The following PLCXD1 variants were observed in gnomAD, a reference collection of about 807,000 sequenced individuals.
PLCXD1 encodes PI-PLC X domain-containing protein 1.
In PLCXD1, 45 loss-of-function variants were observed where a neutral mutation model predicts 37.8. The ratio of observed to expected loss-of-function variants is 1.19; its 90% CI spans 0.94 to 1.53. The LOEUF (loss-of-function observed/expected upper bound fraction) is 1.53, where lower values mean the gene tolerates loss of function less well. PLCXD1 is among the 40% of genes most tolerant of loss of function. The probability of loss-of-function intolerance (pLI) is 0.00; values close to 1 mark genes in which losing one functional copy is unlikely to be tolerated. For missense variants in PLCXD1, 539 were observed against 454.7 expected, an observed-to-expected ratio of 1.19 and a Z score of -1.69; for synonymous variants, 246 against 206.9, an observed-to-expected ratio of 1.19 and a Z score of -1.62.
chrX:294,419 T>C (rs1478154649), intron 6 of PLCXD1, among the ~76,000 whole-genome samples: 1 of 151,150 alleles, frequency 6.6e-6, no homozygotes, highest in African/African-American at 2.4e-5. Context: ...GAGGCGGAGC[T>C]TGCAGTGAGC....
intron 2 of PLCXD1, among the ~76,000 whole-genome samples, chrX:285,257 CAT>C (rs2069411037): frequency 6.6e-6 from 1 of 152,148 alleles, no homozygotes; most frequent in Admixed American, 6.5e-5. Context: ...CTAATGCACA[CAT>C]GTATACATGC....
At chrX:285,373 T>A (rs1335499088) in intron 2 of PLCXD1, among the ~76,000 whole-genome samples, 1 of 117,530 alleles carries the variant, frequency 8.5e-6, no homozygotes, top group Non-Finnish European at 1.7e-5. Context: ...CATGCACACA[T>A]GTATATATAT....
At chrX:292,554 C>T (rs1159103549) in intron 5 of PLCXD1, among the ~76,000 whole-genome samples, 4 of 152,134 alleles carry the variant, frequency 2.6e-5, no homozygotes, top group East Asian at 1.9e-4. Context: ...GTGATCCTCC[C>T]GCCGTGTCCT....
intron 6 of PLCXD1, among the ~76,000 whole-genome samples, chrX:297,805 T>C (rs1420171378): frequency 4.8e-5 from 2 of 41,664 alleles, no homozygotes; most frequent in African/African-American, 3.5e-4. Context: ...GGGCCATTAT[T>C]CTGTCTATCA....
At chrX:295,691 ATTTT>A (rs1212485875) in intron 6 of PLCXD1, among the ~76,000 whole-genome samples, 1 of 149,758 alleles carries the variant, frequency 6.7e-6, no homozygotes, top group Non-Finnish European at 1.5e-5. Flanking sequence ...CACCCGGCTA[ATTTT>A]TTTTTGTATT....
chrX:298,736 C>T (rs868379044), intron 6 of PLCXD1, among the ~76,000 whole-genome samples: 284 of 20,370 alleles, frequency 0.014, 1 homozygote, highest in Middle Eastern at 0.042. Flanking sequence ...GGGCCATTAT[C>T]CTGTCTATCA....
chrX:293,337 A>G (rs1413478663), intron 6 of PLCXD1, 119 bp downstream of exon 6: 16 of 773,640 alleles, frequency 2.1e-5, no homozygotes, highest in Non-Finnish European at 2.5e-5. Flanking sequence ...AAAGGAATCC[A>G]TGAGCTGGGC....
chrX:279,589 T>C (rs1319486015), upstream of PLCXD1, among the ~76,000 whole-genome samples: 1 of 152,040 alleles, frequency 6.6e-6, no homozygotes, highest in Non-Finnish European at 1.5e-5. Context: ...CTGGCCAACA[T>C]GGTGAGACCC....
At chrX:290,056 C>G (rs1364095053) in intron 3 of PLCXD1, among the ~76,000 whole-genome samples, 6 of 151,982 alleles carry the variant, frequency 3.9e-5, no homozygotes, top group African/African-American at 1.4e-4. Flanking sequence ...CTCCCAGGAT[C>G]AAAGGATCCT....
intron 3 of PLCXD1, 96 bp from the exon 4 acceptor site, chrX:290,542 CCAGTGGGCAG>C: frequency 8.2e-7 from 1 of 1,218,570 alleles, no homozygotes. Flanking sequence ...CATCCACGTC[CCAGTGGGCAG>C]CAGGACATGC....
At chrX:282,786 C>G (rs1343750915) in intron 1 of PLCXD1, among the ~76,000 whole-genome samples, 1 of 148,536 alleles carries the variant, frequency 6.7e-6, no homozygotes, top group Non-Finnish European at 1.5e-5. Flanking sequence ...CTAAAATGTC[C>G]TTATGGAAAG....
At chrX:296,680 CATAAG>C (rs2069818950) in intron 6 of PLCXD1, among the ~76,000 whole-genome samples, 1 of 152,234 alleles carries the variant, frequency 6.6e-6, no homozygotes, top group African/African-American at 2.4e-5. Flanking sequence ...CTATAAGCCT[CATAAG>C]AGATGGCACA....
intron 6 of PLCXD1, among the ~76,000 whole-genome samples, chrX:296,189 C>T (rs369955603): frequency 4.6e-5 from 7 of 151,632 alleles, no homozygotes; most frequent in East Asian, 3.9e-4. Context: ...GGCGTGATCT[C>T]GGCTCACTGC....
chrX:286,981 G>T (rs957967578), intron 2 of PLCXD1, among the ~76,000 whole-genome samples: 2 of 151,812 alleles, frequency 1.3e-5, no homozygotes, highest in African/African-American at 4.8e-5. Context: ...TTTAAAGGGG[G>T]TCCACGTTCC....
intron 6 of PLCXD1, among the ~76,000 whole-genome samples, chrX:295,734 G>A (rs1251787423): frequency 2.6e-4 from 39 of 151,862 alleles, no homozygotes; most frequent in Non-Finnish European, 1.2e-4. Context: ...TCACCATGTT[G>A]GTCGGGCTGG....
chrX:291,411 G>A, intron 4 of PLCXD1, 88 bp from the exon 5 acceptor site: 1 of 1,486,530 alleles, frequency 6.7e-7, no homozygotes. Context: ...CTCCCAAATT[G>A]CTGGGATGAC....
chrX:291,726 G>A, intron 5 of PLCXD1, 72 bp downstream of exon 5: 1 of 1,488,572 alleles, frequency 6.7e-7, no homozygotes, highest in Non-Finnish European at 9.4e-7. Flanking sequence ...TCCATTTGCT[G>A]TGCCCTGGGT....
chrX:293,290 C>G (rs1472147305), intron 6 of PLCXD1, 72 bp downstream of exon 6: 1 of 1,159,498 alleles, frequency 8.6e-7, no homozygotes, highest in East Asian at 2.4e-5. Context: ...GCCGGGTCCA[C>G]ATGGACTTGC....
At position 288,782 on chromosome X, in the gene PLCXD1, G is replaced by C. The variant is rs1215389556; in HGVS notation, c.177G>C (p.Ser59=). The C allele has an allele frequency of 3.7e-6, 6 of 1,613,760 alleles. No homozygotes were observed. The highest frequency in any genetic ancestry group is 5.1e-6 in the Non-Finnish European group (6 of 1,179,680). Residue 59 remains serine (S), a synonymous_variant, in exon 3 of 7, where the codon TCG becomes TCC. Transcript: ENST00000381657. ...TYCLNKKSPI[S]HEESRLLQLL... is the part of the protein sequence containing the mutation. ...GCCTGAACAAGAAGTCCCCCATTTC[G>C]CACGAGGAGTCCCGGCTGCTGCAGC...
Sources: gnomAD v4.1 joint callset for allele counts (sites outside exome capture counted in the v4.1 genomes callset) on GRCh38, gnomAD v4.1.1 for gene constraint, MANE v1.5 for transcripts, NCBI Gene and HGNC (gene_info 2026-07-23, HGNC 2026-07-21) for gene names.